EXOC4: variants seen among roughly 807,000 people sequenced by gnomAD.
The protein encoded by EXOC4 is exocyst complex component 4.
In EXOC4, 71 loss-of-function variants were observed where a neutral mutation model predicts 107.2. The ratio of observed to expected loss-of-function variants is 0.66; its 90% CI spans 0.55 to 0.81. EXOC4 has a LOEUF of 0.81. EXOC4 is among the 30% of genes least tolerant of loss of function. The pLI is 0.00. For synonymous variants in EXOC4, 456 were observed against 441.2 expected, an observed-to-expected ratio of 1.03 and a Z score of -0.42; for missense variants, 1,108 against 1,189.6, an observed-to-expected ratio of 0.93 and a Z score of 1.01.
At chr7:133,318,514 A>G (rs1795041618) in intron 5 of EXOC4, among the ~76,000 whole-genome samples, 1 of 152,196 alleles carries the variant, frequency 6.6e-6, no homozygotes. Flanking sequence ...CCTTTTAACG[A>G]AATTGTAATG....
intron 12 of EXOC4, among the ~76,000 whole-genome samples, chr7:133,903,940 C>T (rs1284018436): frequency 6.6e-6 from 1 of 151,964 alleles, no homozygotes; most frequent in Admixed American, 6.5e-5. Flanking sequence ...GAACTCAGCA[C>T]GGACTGAGTG....
chr7:133,847,537 AT>A (rs34297470), intron 11 of EXOC4, among the ~76,000 whole-genome samples: 13,930 of 127,116 alleles, frequency 0.11, 690 homozygotes, highest in African/African-American at 0.19. Context: ...TACACCAGCT[AT>A]TTTTTTTTTT....
intron 13 of EXOC4, among the ~76,000 whole-genome samples, chr7:133,929,944 C>G (rs1800139675): frequency 6.6e-6 from 1 of 152,110 alleles, no homozygotes; most frequent in East Asian, 1.9e-4. Flanking sequence ...TGTCTCTGCT[C>G]TGAACAGATT....
intron 14 of EXOC4, among the ~76,000 whole-genome samples, chr7:133,943,449 A>G (rs1563066134): frequency 6.6e-6 from 1 of 152,214 alleles, no homozygotes. Context: ...ATATAATTCA[A>G]TACCAGAAAA....
chr7:133,821,194 C>G (rs1337194222), intron 11 of EXOC4, among the ~76,000 whole-genome samples: 2 of 152,176 alleles, frequency 1.3e-5, no homozygotes, highest in Non-Finnish European at 2.9e-5. Context: ...AGACACTATT[C>G]TGGGTGCTTT....
intron 17 of EXOC4, among the ~76,000 whole-genome samples, chr7:134,059,260 C>G (rs1795999830): frequency 6.6e-6 from 1 of 152,162 alleles, no homozygotes; most frequent in African/African-American, 2.4e-5. Context: ...GAAACTGTTT[C>G]TAATCACTTT....
chr7:133,323,497 A>G (rs1393696685), intron 5 of EXOC4, among the ~76,000 whole-genome samples: 1 of 152,114 alleles, frequency 6.6e-6, no homozygotes, highest in African/African-American at 2.4e-5. Flanking sequence ...GGTTCTGTTT[A>G]TATGCTGGAT....
At chr7:133,664,453 T>C (rs1443062761) in intron 10 of EXOC4, among the ~76,000 whole-genome samples, 1 of 152,170 alleles carries the variant, frequency 6.6e-6, no homozygotes, top group Non-Finnish European at 1.5e-5. Flanking sequence ...ATTTTTCTAC[T>C]GATCTCCAAA....
intron 13 of EXOC4, among the ~76,000 whole-genome samples, chr7:133,925,424 A>G (rs1264552038): frequency 2.0e-5 from 3 of 152,302 alleles, no homozygotes; most frequent in East Asian, 1.9e-4. Flanking sequence ...ATATATGTAT[A>G]TATTTATCCT....
chr7:133,832,992 C>T (rs1797842026), intron 11 of EXOC4, among the ~76,000 whole-genome samples: 1 of 152,138 alleles, frequency 6.6e-6, no homozygotes, highest in East Asian at 1.9e-4. Flanking sequence ...CTTAGGCTCT[C>T]CTATAGAAAA....
chr7:133,403,743 A>G (rs1277914415), intron 7 of EXOC4, among the ~76,000 whole-genome samples: 1 of 152,106 alleles, frequency 6.6e-6, no homozygotes, highest in Non-Finnish European at 1.5e-5. Flanking sequence ...CTACCTGGGC[A>G]ATATAGCAAG....
chr7:133,400,837 A>G (rs1415508719), intron 7 of EXOC4, among the ~76,000 whole-genome samples: 1 of 152,204 alleles, frequency 6.6e-6, no homozygotes, highest in Non-Finnish European at 1.5e-5. Flanking sequence ...GGTGGAACAT[A>G]TAGATTGGTA....
chr7:133,707,332 G>A (rs1179582070), intron 10 of EXOC4, among the ~76,000 whole-genome samples: 1 of 151,894 alleles, frequency 6.6e-6, no homozygotes, highest in Admixed American at 6.6e-5. Context: ...GCAGTGAGCC[G>A]AGATCATGCC....
At chr7:133,651,116 T>G (rs1212786836) in intron 10 of EXOC4, among the ~76,000 whole-genome samples, 1 of 152,000 alleles carries the variant, frequency 6.6e-6, no homozygotes, top group Admixed American at 6.6e-5. Context: ...TATCCCCCAG[T>G]TTCTGTCGAA....
chr7:133,641,257 T>C (rs1465447095), intron 10 of EXOC4, among the ~76,000 whole-genome samples: 1 of 152,138 alleles, frequency 6.6e-6, no homozygotes, highest in Non-Finnish European at 1.5e-5. Context: ...TCACTAAAAA[T>C]GTTTTGAGTA....
At chr7:133,854,174 T>A (rs1385996413) in intron 11 of EXOC4, among the ~76,000 whole-genome samples, 1 of 151,996 alleles carries the variant, frequency 6.6e-6, no homozygotes, top group Non-Finnish European at 1.5e-5. Flanking sequence ...TAATAACACA[T>A]CAGTAGCATC....
At chr7:133,788,353 A>G (rs1041422719) in intron 10 of EXOC4, among the ~76,000 whole-genome samples, 3 of 151,916 alleles carry the variant, frequency 2.0e-5, no homozygotes, top group African/African-American at 7.3e-5. Flanking sequence ...TCTAATCAGT[A>G]TCTTAAACTC....
Position 133,876,189 on chromosome 7 carries a change from CAT to C in EXOC4, c.1735-19407_1735-19406del, listed in dbSNP as rs201698309. On this transcript the variant is annotated intron_variant, in intron 11 of 17. Coordinates refer to ENST00000253861, the MANE Select transcript of EXOC4 (RefSeq NM_021807.4). Reference sequence around the variant, plus strand: ...GTAAGTTACATTTAAAAAATTAACTCATATTGCTTAGGCTAAGGAAAAGAATG... The same window carrying C: ...GTAAGTTACATTTAAAAAATTAACTCATTGCTTAGGCTAAGGAAAAGAATG... 9.3e-3 allele frequency among the ~76,000 whole-genome samples: 1,412 copies of C among 151,398 alleles called. 7 individuals carry two copies. Among genetic ancestry groups the C allele is most frequent in the Middle Eastern group, 0.02 (6 of 294 alleles).
In EXOC4 at chr7:133,884,026, G is replaced by T. The variant is rs117741818; in HGVS notation, c.1735-11573G>T. 9.1e-3 allele frequency among the ~76,000 whole-genome samples: 1,379 copies of T among 152,302 alleles called. 12 individuals are homozygous for T. Among genetic ancestry groups the T allele is most frequent in the Middle Eastern group, 0.031 (9 of 294 alleles). On this transcript the variant is annotated intron_variant, in intron 11 of 17. Transcript: ENST00000253861. ...CTGATAGTAACTGGAGAGACAATAT[G>T]ATATGACAAGTTTTACTGACTTGTC...
Sources: allele counts gnomAD v4.1 joint callset (sites outside exome capture counted in the v4.1 genomes callset), GRCh38; gene constraint gnomAD v4.1.1; transcripts MANE v1.5; gene names NCBI Gene and HGNC (gene_info 2026-07-23, HGNC 2026-07-21).